PDGFD: variants seen among roughly 807,000 people sequenced by gnomAD.
PDGFD encodes platelet derived growth factor D, also known as platelet-derived growth factor D.
Under a neutral mutation model 44.7 loss-of-function variants are expected in PDGFD, and 30 were observed. The ratio of observed to expected loss-of-function variants is 0.67; its 90% CI spans 0.50 to 0.91. The LOEUF (loss-of-function observed/expected upper bound fraction) is 0.91, where lower values mean the gene tolerates loss of function less well. PDGFD is among the 40% of genes least tolerant of loss of function. The pLI is 0.00. For missense variants in PDGFD, 445 were observed against 457.8 expected (o/e 0.97, Z 0.25); for synonymous variants, 173 against 168.4 (o/e 1.03, Z -0.21).
At chr11:103,976,805 CA>C (rs990269487) in intron 3 of PDGFD, among the ~76,000 whole-genome samples, 5 of 152,044 alleles carry the variant, frequency 3.3e-5, no homozygotes, top group Admixed American at 1.3e-4. Context: ...TTGAGAAAAT[CA>C]TGTGGTTTTT....
At chr11:104,119,604 TTAATA>T (rs1268949899) in intron 1 of PDGFD, among the ~76,000 whole-genome samples, 4 of 93,544 alleles carry the variant, frequency 4.3e-5, no homozygotes, top group Admixed American at 1.8e-4. Context: ...ATATAATATA[TTAATA>T]TAATATATTA....
intron 1 of PDGFD, among the ~76,000 whole-genome samples, chr11:104,067,442 A>C (rs1216346786): frequency 1.3e-5 from 2 of 152,204 alleles, no homozygotes; most frequent in African/African-American, 4.8e-5. Flanking sequence ...TTAAGAAAGA[A>C]GGAAAGTTAC....
intron 1 of PDGFD, among the ~76,000 whole-genome samples, chr11:104,113,571 T>C (rs1202102035): frequency 6.6e-6 from 1 of 151,460 alleles, no homozygotes; most frequent in Non-Finnish European, 1.5e-5. Context: ...ATAGCTGCTA[T>C]AAACATCCAA....
intron 3 of PDGFD, among the ~76,000 whole-genome samples, chr11:103,992,896 G>A (rs1859480071): frequency 6.6e-6 from 1 of 152,094 alleles, no homozygotes; most frequent in Non-Finnish European, 1.5e-5. Context: ...AAATGTCCAG[G>A]TACACCTGGA....
chr11:103,925,499 G>T (rs1256261982), intron 6 of PDGFD, among the ~76,000 whole-genome samples: 1 of 151,638 alleles, frequency 6.6e-6, no homozygotes, highest in Non-Finnish European at 1.5e-5. Context: ...TCTGGAAGGG[G>T]TTATCTGATA....
intron 1 of PDGFD, among the ~76,000 whole-genome samples, chr11:104,011,688 T>G (rs1859789413): frequency 6.6e-6 from 1 of 152,072 alleles, no homozygotes; most frequent in East Asian, 1.9e-4. Flanking sequence ...ATGGATGAAT[T>G]ATAATGTATT....
At chr11:104,129,753 A>G (rs1483732049) in intron 1 of PDGFD, among the ~76,000 whole-genome samples, 3 of 152,200 alleles carry the variant, frequency 2.0e-5, no homozygotes, top group Non-Finnish European at 2.9e-5. Context: ...TCACGCCTGT[A>G]ATCCCAGCAC....
At chr11:104,101,185 T>C (rs967764973) in intron 1 of PDGFD, among the ~76,000 whole-genome samples, 2 of 152,232 alleles carry the variant, frequency 1.3e-5, no homozygotes, top group Middle Eastern at 3.4e-3. Context: ...GATGACATGA[T>C]TGTATATCTA....
chr11:104,101,332 T>C (rs1289962198), intron 1 of PDGFD, among the ~76,000 whole-genome samples: 2 of 152,068 alleles, frequency 1.3e-5, no homozygotes, highest in Non-Finnish European at 2.9e-5. Context: ...AGCCAAATCA[T>C]GAGTGAACTT....
chr11:104,027,368 CT>C (rs1278644023), intron 1 of PDGFD, among the ~76,000 whole-genome samples: 1 of 152,204 alleles, frequency 6.6e-6, no homozygotes, highest in Non-Finnish European at 1.5e-5. Context: ...TCTTGTCTGA[CT>C]TTTCCAGGTT....
intron 1 of PDGFD, among the ~76,000 whole-genome samples, chr11:104,143,105 GT>G (rs1377565062): frequency 6.6e-6 from 1 of 152,090 alleles, no homozygotes; most frequent in Non-Finnish European, 1.5e-5. Context: ...GGATATTGTC[GT>G]TAATATTCTG....
chr11:104,163,485 A>G (rs1259727565), intron 1 of PDGFD, among the ~76,000 whole-genome samples: 2 of 152,102 alleles, frequency 1.3e-5, no homozygotes, highest in African/African-American at 4.8e-5. Context: ...GCAGCTTGCA[A>G]CTTTCGCCAA....
chr11:103,947,811 C>A lies in PDGFD; in HGVS notation c.511-87G>T, dbSNP rs1186139962. 3 of 984,200 alleles carry A rather than the reference C, an allele frequency of 3.0e-6. No homozygotes were observed. The African/African-American group carries it at 4.8e-5, about 16-fold the overall frequency. 61.0% of individuals were successfully genotyped at this position (984,200 alleles called of 1,614,324 possible). On this transcript the variant is annotated intron_variant, in intron 3 of 6. Coordinates refer to ENST00000393158, the MANE Select transcript of PDGFD (RefSeq NM_025208.5). ...GTTTCAACATCTCAGCCTTCTGAAT[C>A]TTTTTCCAACTAAGTGACAACAGAC... is the stretch of plus-strand genomic sequence containing the variant.
intron 5 of PDGFD, among the ~76,000 whole-genome samples, chr11:103,932,134 C>A (rs539542136): frequency 1.3e-5 from 2 of 152,148 alleles, no homozygotes; most frequent in South Asian, 2.1e-4. Context: ...ACTTCATAGA[C>A]CTTGTTTTGT....
At chr11:104,066,751 A>G (rs1254772894) in intron 1 of PDGFD, among the ~76,000 whole-genome samples, 3 of 152,288 alleles carry the variant, frequency 2.0e-5, no homozygotes, top group East Asian at 1.9e-4. Context: ...TCTTGGCCCT[A>G]TTGGCATCAC....
chr11:103,969,171 CT>C (rs1333454551), intron 3 of PDGFD, among the ~76,000 whole-genome samples: 2 of 152,162 alleles, frequency 1.3e-5, no homozygotes, highest in African/African-American at 2.4e-5. Context: ...AAATATTGGG[CT>C]CTTGATAAAG....
At chr11:103,912,052 C>T (rs1017605552) in intron 6 of PDGFD, among the ~76,000 whole-genome samples, 3 of 152,196 alleles carry the variant, frequency 2.0e-5, no homozygotes, top group African/African-American at 7.2e-5. Flanking sequence ...TTGGAAAACA[C>T]TCTTCAGGGT....
At chr11:103,941,012 C>G (rs1376873685) in intron 5 of PDGFD, among the ~76,000 whole-genome samples, 2 of 152,072 alleles carry the variant, frequency 1.3e-5, no homozygotes, top group African/African-American at 4.8e-5. Flanking sequence ...GTAATATATT[C>G]CATCCCACAA....
chr11:104,099,635 A>G (rs938083496), intron 1 of PDGFD, among the ~76,000 whole-genome samples: 26 of 93,898 alleles, frequency 2.8e-4, no homozygotes, highest in African/African-American at 1.1e-3. Context: ...TGTTTCAAAA[A>G]CAATAATAAT....
Sources: allele counts gnomAD v4.1 joint callset (sites outside exome capture counted in the v4.1 genomes callset), GRCh38; gene constraint gnomAD v4.1.1; transcripts MANE v1.5; gene names NCBI Gene and HGNC (gene_info 2026-07-23, HGNC 2026-07-21).